RARB: variants seen among roughly 807,000 people sequenced by gnomAD.
RARB encodes HBV-activated protein.
Under a neutral mutation model 51.9 loss-of-function variants are expected in RARB, and 17 were observed. That is an observed-to-expected ratio of 0.33 (90% CI 0.22 to 0.49). The LOEUF (loss-of-function observed/expected upper bound fraction) is 0.49, where lower values mean the gene tolerates loss of function less well. Ranked by LOEUF, RARB falls within the 20% of genes least tolerant of loss-of-function variation. RARB has a pLI of 0.99. For missense variants in RARB, 369 were observed against 550.8 expected (o/e 0.67, Z 3.30); for synonymous variants, 215 against 195.4 (o/e 1.10, Z -0.84).
chr3:25,593,054 T>A (rs1240206277), intron 5 of RARB, among the ~76,000 whole-genome samples: 4 of 152,212 alleles, frequency 2.6e-5, no homozygotes, highest in African/African-American at 2.4e-5. Context: ...TTTACCAAGC[T>A]GTTTGAAAGA....
At chr3:25,587,831 C>T (rs554015176) in intron 5 of RARB, among the ~76,000 whole-genome samples, 15 of 152,340 alleles carry the variant, frequency 9.8e-5, no homozygotes, top group Middle Eastern at 3.4e-3. Context: ...TTGCCAAACA[C>T]AATCAGTGTA....
At chr3:25,545,598 G>A (rs568660201) in intron 3 of RARB, among the ~76,000 whole-genome samples, 6 of 152,112 alleles carry the variant, frequency 3.9e-5, no homozygotes, top group Non-Finnish European at 7.3e-5. Flanking sequence ...TCTGAGTAGC[G>A]GGTAAAGCCT....
chr3:25,378,911 A>T (rs542156993), intron 5 of RARB, among the ~76,000 whole-genome samples: 162 of 152,372 alleles, frequency 1.1e-3, no homozygotes, highest in Non-Finnish European at 5.1e-4. Context: ...ATCAGACAAA[A>T]GGGATCAATG....
At chr3:25,191,930 G>A (rs749829414) in intron 5 of RARB, among the ~76,000 whole-genome samples, 71 of 152,240 alleles carry the variant, frequency 4.7e-4, no homozygotes, top group Middle Eastern at 3.4e-3. Context: ...GGCAGACGAG[G>A]CGGGGGTGTG....
chr3:24,900,355 A>G (rs997877128), intron 2 of RARB, among the ~76,000 whole-genome samples: 3 of 152,324 alleles, frequency 2.0e-5, no homozygotes, highest in African/African-American at 7.2e-5. Context: ...AACATAATGG[A>G]GTGTACCATA....
chr3:25,192,843 G>A (rs1701137960), intron 5 of RARB, among the ~76,000 whole-genome samples: 1 of 152,006 alleles, frequency 6.6e-6, no homozygotes, highest in African/African-American at 2.4e-5. Flanking sequence ...GACTGGCATA[G>A]TATCTAGTCC....
intron 2 of RARB, among the ~76,000 whole-genome samples, chr3:24,930,588 T>C (rs1265847035): frequency 6.6e-6 from 1 of 152,126 alleles, no homozygotes; most frequent in African/African-American, 2.4e-5. Flanking sequence ...GTTCAACTAA[T>C]ATTAAATACA....
At chr3:24,856,728 T>C (rs1353842932) in intron 1 of RARB, among the ~76,000 whole-genome samples, 3 of 152,198 alleles carry the variant, frequency 2.0e-5, no homozygotes, top group Non-Finnish European at 4.4e-5. Flanking sequence ...TCTTACCAGG[T>C]CTTGAAGTTA....
chr3:25,562,450 C>T (rs1575521633), intron 3 of RARB, among the ~76,000 whole-genome samples: 1 of 152,280 alleles, frequency 6.6e-6, no homozygotes, highest in African/African-American at 2.4e-5. Context: ...GCCACAGACA[C>T]GTGTGCCTCT....
chr3:25,414,251 T>A (rs185541043), intron 5 of RARB, among the ~76,000 whole-genome samples: 348 of 152,388 alleles, frequency 2.3e-3, no homozygotes, highest in Middle Eastern at 3.4e-3. Context: ...GTATCAATAG[T>A]TCATTCCTTT....
intron 2 of RARB, among the ~76,000 whole-genome samples, chr3:24,925,206 A>G (rs1167031975): frequency 6.6e-6 from 1 of 152,164 alleles, no homozygotes; most frequent in Non-Finnish European, 1.5e-5. Flanking sequence ...AGGAAAGAAT[A>G]TGTCATTTTC....
At chr3:25,051,024 ACTGTGTGGATTTATGG>A in intron 2 of RARB, among the ~76,000 whole-genome samples, 1 of 152,000 alleles carries the variant, frequency 6.6e-6, no homozygotes, top group South Asian at 2.1e-4. Context: ...ACTCTCTTTA[ACTGTGTGGATTTATGG>A]CTTCTGGGAG....
intron 3 of RARB, among the ~76,000 whole-genome samples, chr3:25,528,662 A>T (rs1005347845): frequency 1.3e-5 from 2 of 152,002 alleles, no homozygotes; most frequent in Non-Finnish European, 2.9e-5. Context: ...GAGGGATGGA[A>T]GGGCCCATTC....
chr3:25,047,843 T>C (rs1698248366), intron 2 of RARB, among the ~76,000 whole-genome samples: 1 of 152,204 alleles, frequency 6.6e-6, no homozygotes, highest in South Asian at 2.1e-4. Context: ...TATGGTTTTC[T>C]GTGTCCCCAC....
At chr3:25,399,264 G>T (rs760017273) in intron 5 of RARB, among the ~76,000 whole-genome samples, 34 of 152,124 alleles carry the variant, frequency 2.2e-4, no homozygotes, top group Non-Finnish European at 3.8e-4. Context: ...GATATTTTGG[G>T]TCGCTAGTCT....
At chr3:25,293,719 G>A (rs1180314025) in intron 5 of RARB, among the ~76,000 whole-genome samples, 1 of 151,596 alleles carries the variant, frequency 6.6e-6, no homozygotes, top group East Asian at 2.0e-4. Flanking sequence ...CTGATTAAAT[G>A]GAAATGTCTC....
intron 3 of RARB, among the ~76,000 whole-genome samples, chr3:25,102,400 G>A (rs1216379745): frequency 2.6e-5 from 4 of 151,866 alleles, no homozygotes; most frequent in African/African-American, 9.7e-5. Context: ...AATTAGTCAG[G>A]CATGGTGGCA....
chr3:25,343,132 T>C (rs1705283641), intron 5 of RARB, among the ~76,000 whole-genome samples: 1 of 151,026 alleles, frequency 6.6e-6, no homozygotes, highest in African/African-American at 2.4e-5. Context: ...AGGTTCTGCA[T>C]GGAGGGAAAG....
intron 2 of RARB, among the ~76,000 whole-genome samples, chr3:25,465,041 C>A (rs571151985): frequency 6.6e-6 from 1 of 151,952 alleles, no homozygotes; most frequent in East Asian, 1.9e-4. Flanking sequence ...CTGAAAATTT[C>A]CTTAGGATAA....
Sources: allele counts gnomAD v4.1 joint callset (sites outside exome capture counted in the v4.1 genomes callset), GRCh38; gene constraint gnomAD v4.1.1; transcripts MANE v1.5; gene names NCBI Gene and HGNC (gene_info 2026-07-23, HGNC 2026-07-21).